The following GTF2F2 variants were observed in gnomAD, a reference collection of about 807,000 sequenced individuals.
The protein encoded by GTF2F2 is general transcription factor IIF subunit 2, also known as ATP-dependent helicase GTF2F2.
A neutral mutation model predicts 42.2 loss-of-function variants in GTF2F2; 23 were observed. The observed-to-expected ratio is 0.55, with a 90% CI of 0.39 to 0.77. GTF2F2 has a LOEUF of 0.77. Ranked by LOEUF, GTF2F2 falls within the 30% of genes least tolerant of loss-of-function variation. The pLI is 0.00. For synonymous variants in GTF2F2, 105 were observed against 100.8 expected (o/e 1.04, Z -0.25); for missense variants, 261 against 287.2 (o/e 0.91, Z 0.66).
chr13:45,163,866 A>G (rs539392770), intron 4 of GTF2F2, among the ~76,000 whole-genome samples: 2 of 152,272 alleles, frequency 1.3e-5, no homozygotes, highest in African/African-American at 4.8e-5. Context: ...AATGTAGTCT[A>G]TTGAGGGCTG....
At chr13:45,235,072 G>C (rs1403980556) in intron 5 of GTF2F2, among the ~76,000 whole-genome samples, 15 of 107,776 alleles carry the variant, frequency 1.4e-4, no homozygotes, top group Non-Finnish European at 1.0e-4. Flanking sequence ...AAAAAAAAAA[G>C]GTCATAGTTG....
At chr13:45,150,885 T>C (rs1171347651) in intron 3 of GTF2F2, among the ~76,000 whole-genome samples, 2 of 152,126 alleles carry the variant, frequency 1.3e-5, no homozygotes. Context: ...CTTCTTCAGC[T>C]ACAGACCAGA....
chr13:45,225,141 A>G (rs1874276902), intron 5 of GTF2F2, among the ~76,000 whole-genome samples: 2 of 152,240 alleles, frequency 1.3e-5, no homozygotes, highest in African/African-American at 2.4e-5. Context: ...CACCCTGACA[A>G]TTCCGATGTA....
chr13:45,199,136 CT>C (rs1873048627), intron 4 of GTF2F2, among the ~76,000 whole-genome samples: 1 of 152,216 alleles, frequency 6.6e-6, no homozygotes, highest in Admixed American at 6.5e-5. Flanking sequence ...AGGACGTAAC[CT>C]CTGGCCACAA....
chr13:45,152,969 T>C (rs1306372225), intron 4 of GTF2F2, among the ~76,000 whole-genome samples: 1 of 152,112 alleles, frequency 6.6e-6, no homozygotes, highest in Non-Finnish European at 1.5e-5. Flanking sequence ...AATTATAGTA[T>C]GTTAAGAACA....
chr13:45,140,675 G>A (rs1869882908), intron 2 of GTF2F2, among the ~76,000 whole-genome samples: 1 of 152,158 alleles, frequency 6.6e-6, no homozygotes. Context: ...ATATTGAAAT[G>A]TACAGGTTTT....
intron 7 of GTF2F2, among the ~76,000 whole-genome samples, chr13:45,280,364 G>A (rs537010660): frequency 1.8e-4 from 28 of 152,342 alleles, no homozygotes; most frequent in African/African-American, 6.3e-4. Context: ...CTTCCCTTTA[G>A]AGATTTTCCC....
chr13:45,128,446 G>A (rs938867473), intron 1 of GTF2F2, among the ~76,000 whole-genome samples: 1 of 150,592 alleles, frequency 6.6e-6, no homozygotes, highest in Non-Finnish European at 1.5e-5. Context: ...GGTGGCGGGC[G>A]TCTATAATCC....
At chr13:45,193,630 C>T (rs1593482742) in intron 4 of GTF2F2, 3 of 632,690 alleles carry the variant, frequency 4.7e-6, no homozygotes, top group East Asian at 5.5e-5. Flanking sequence ...ACATCTTTAG[C>T]GATAGAATTT....
chr13:45,279,648 C>T (rs1191349218), intron 7 of GTF2F2, among the ~76,000 whole-genome samples: 1 of 152,120 alleles, frequency 6.6e-6, no homozygotes, highest in East Asian at 1.9e-4. Context: ...TGGCTCATGC[C>T]TGTAATCCTA....
At chr13:45,167,544 C>T (rs879343414) in intron 4 of GTF2F2, among the ~76,000 whole-genome samples, 3 of 151,846 alleles carry the variant, frequency 2.0e-5, no homozygotes, top group South Asian at 2.1e-4. Flanking sequence ...ACTACAGGTG[C>T]GCACCACCAC....
At chr13:45,133,931 C>G (rs1467883299) in intron 1 of GTF2F2, among the ~76,000 whole-genome samples, 1 of 152,158 alleles carries the variant, frequency 6.6e-6, no homozygotes, top group African/African-American at 2.4e-5. Context: ...ACCCCATGGT[C>G]TCTCTCTGGT....
chr13:45,135,309 T>C (rs978792683), intron 1 of GTF2F2, among the ~76,000 whole-genome samples: 1 of 151,412 alleles, frequency 6.6e-6, no homozygotes, highest in African/African-American at 2.4e-5. Flanking sequence ...TGAGACGGAG[T>C]ATTGCTCTGG....
At chr13:45,221,378 G>T (rs140967608) in intron 5 of GTF2F2, among the ~76,000 whole-genome samples, 1,627 of 152,168 alleles carry the variant, frequency 0.011, 35 homozygotes, top group African/African-American at 0.037. Context: ...TATATAATCT[G>T]CAGGACCTAG....
At chr13:45,172,593 T>C (rs142479830) in intron 4 of GTF2F2, among the ~76,000 whole-genome samples, 2,791 of 152,310 alleles carry the variant, frequency 0.018, 69 homozygotes, top group Non-Finnish European at 0.018. Context: ...AGCTCTTTGA[T>C]TTAGGTTCTG....
At chr13:45,211,675 C>T (rs1262698928) in intron 5 of GTF2F2, among the ~76,000 whole-genome samples, 1 of 151,072 alleles carries the variant, frequency 6.6e-6, no homozygotes, top group Non-Finnish European at 1.5e-5. Flanking sequence ...GCAACCTCCG[C>T]CTCCTGGGTT....
intron 4 of GTF2F2, among the ~76,000 whole-genome samples, chr13:45,188,056 C>T (rs1461468232): frequency 6.6e-6 from 1 of 152,158 alleles, no homozygotes; most frequent in African/African-American, 2.4e-5. Context: ...CAGGCACGCA[C>T]CACCATGCCC....
At chr13:45,269,142 A>T (rs1223957920) in intron 7 of GTF2F2, among the ~76,000 whole-genome samples, 1 of 152,242 alleles carries the variant, frequency 6.6e-6, no homozygotes, top group Non-Finnish European at 1.5e-5. Flanking sequence ...AAATTGCCTC[A>T]ATAAGCATAA....
intron 4 of GTF2F2, chr13:45,194,618 A>T: frequency 6.6e-7 from 1 of 1,510,180 alleles, no homozygotes; most frequent in Non-Finnish European, 9.0e-7. Context: ...AGATTTTTTA[A>T]AAAGAGACAC....
Sources: gnomAD v4.1 joint callset for allele counts (sites outside exome capture counted in the v4.1 genomes callset) on GRCh38, gnomAD v4.1.1 for gene constraint, MANE v1.5 for transcripts, NCBI Gene and HGNC (gene_info 2026-07-23, HGNC 2026-07-21) for gene names.